The following TMEM278 variants were observed in gnomAD, a reference collection of about 807,000 sequenced individuals.
TMEM278 encodes the protein transmembrane protein 278, also known as transmembrane protein 88B.
At chr1:1,427,228 C>G in the TMEM278 span, among the ~76,000 whole-genome samples, 1 of 144,718 alleles carries the variant, frequency 6.9e-6, no homozygotes, top group Non-Finnish European at 1.5e-5. Flanking sequence ...ACCCCGCTCT[C>G]TCTCCCCTCC....
At chr1:1,426,352 C>A in the TMEM278 span, 1 of 1,436,560 alleles carries the variant, frequency 7.0e-7, no homozygotes, top group Non-Finnish European at 9.1e-7. Context: ...CCGCGGCCGC[C>A]GTCGTCTACC....
At chr1:1,426,079 C>G in the TMEM278 span, 1 of 1,323,038 alleles carries the variant, frequency 7.6e-7, no homozygotes, top group Non-Finnish European at 9.7e-7. Flanking sequence ...TGGAGAGCAC[C>G]ACTCTGCATT....
the TMEM278 span, among the ~76,000 whole-genome samples, chr1:1,427,080 C>G: frequency 3.5e-5 from 5 of 144,850 alleles, no homozygotes; most frequent in Admixed American, 2.7e-4. Flanking sequence ...CCATCTCCCC[C>G]CTCCCTCTTC....
the TMEM278 span, among the ~76,000 whole-genome samples, chr1:1,426,908 C>A: frequency 2.6e-5 from 4 of 152,020 alleles, no homozygotes; most frequent in Admixed American, 2.0e-4. Flanking sequence ...CGGCAGTGGG[C>A]GCTTTTTCTG....
At chr1:1,429,953 C>G in the TMEM278 span, among the ~76,000 whole-genome samples, 1 of 152,226 alleles carries the variant, frequency 6.6e-6, no homozygotes, top group East Asian at 1.9e-4. Context: ...CTCGCCCTCC[C>G]AGGCTCAAGT....
chr1:1,428,338 C>A, the TMEM278 span, among the ~76,000 whole-genome samples: 6 of 151,990 alleles, frequency 3.9e-5, no homozygotes, highest in Non-Finnish European at 5.9e-5. Flanking sequence ...CACCCACGCT[C>A]GGCCAAGCCC....
At chr1:1,427,367 CCCCT>C in the TMEM278 span, among the ~76,000 whole-genome samples, 1 of 129,578 alleles carries the variant, frequency 7.7e-6, no homozygotes, top group African/African-American at 3.0e-5. Context: ...CCTGCCCCTT[CCCCT>C]CCATCACCCT....
At chr1:1,430,059 T>C in the TMEM278 span, among the ~76,000 whole-genome samples, 1 of 152,178 alleles carries the variant, frequency 6.6e-6, no homozygotes, top group Admixed American at 6.6e-5. Context: ...GGTCTCATCA[T>C]GTTGCCCAGG....
the TMEM278 span, among the ~76,000 whole-genome samples, chr1:1,428,471 G>A: frequency 6.6e-6 from 1 of 152,088 alleles, no homozygotes; most frequent in African/African-American, 2.4e-5. Context: ...CACTGACTTT[G>A]GTGTTCCTTG....
At chr1:1,428,723 A>G in the TMEM278 span, among the ~76,000 whole-genome samples, 1 of 152,124 alleles carries the variant, frequency 6.6e-6, no homozygotes, top group Non-Finnish European at 1.5e-5. Flanking sequence ...TATCCAGGCC[A>G]GGCACGGTGG....
the TMEM278 span, among the ~76,000 whole-genome samples, chr1:1,428,271 C>T: frequency 5.3e-5 from 8 of 151,774 alleles, no homozygotes; most frequent in African/African-American, 1.5e-4. Flanking sequence ...CAAGGCCTCC[C>T]GCGCCTGCCC....
chr1:1,427,433 C>T, the TMEM278 span: 1,566 of 153,700 alleles, frequency 0.01, no homozygotes, highest in South Asian at 0.014. Flanking sequence ...CCGCTCCCCT[C>T]TCCACCCCTC....
At chr1:1,428,844 A>G in the TMEM278 span, among the ~76,000 whole-genome samples, 1 of 152,114 alleles carries the variant, frequency 6.6e-6, no homozygotes, top group Non-Finnish European at 1.5e-5. Context: ...ACTAAAAAAT[A>G]CAGAAATTAG....
the TMEM278 span, chr1:1,426,401 G>T: frequency 7.4e-7 from 1 of 1,359,222 alleles, no homozygotes; most frequent in African/African-American, 1.5e-5. Flanking sequence ...CCTGTGCCCC[G>T]TGGGCGGGGG....
At chr1:1,429,583 G>A in the TMEM278 span, among the ~76,000 whole-genome samples, 4 of 152,142 alleles carry the variant, frequency 2.6e-5, no homozygotes, top group Non-Finnish European at 5.9e-5. Flanking sequence ...GTAGCATGGT[G>A]TTTCTCTGAA....
At chr1:1,426,252 C>T in the TMEM278 span, 105 of 1,488,598 alleles carry the variant, frequency 7.1e-5, 2 homozygotes, top group Admixed American at 1.1e-4. Flanking sequence ...CCAGGGTGGT[C>T]GGGGCCCCCG....
At chr1:1,426,333 T>C in the TMEM278 span, 2 of 1,456,708 alleles carry the variant, frequency 1.4e-6, no homozygotes, top group East Asian at 2.7e-5. Flanking sequence ...TTCCTGCTGG[T>C]GCTCCTGCCC....
the TMEM278 span, among the ~76,000 whole-genome samples, chr1:1,428,635 AC>A: frequency 3.8e-4 from 58 of 151,710 alleles, no homozygotes; most frequent in African/African-American, 1.3e-3. Context: ...ATTTTCTTTT[AC>A]CCCCTCATCA....
At chr1:1,428,304 G>A in the TMEM278 span, among the ~76,000 whole-genome samples, 1 of 151,884 alleles carries the variant, frequency 6.6e-6, no homozygotes, top group Non-Finnish European at 1.5e-5. Flanking sequence ...CCATCGTCCA[G>A]GGCTCTGGGG....
Sources: allele counts gnomAD v4.1 joint callset (sites outside exome capture counted in the v4.1 genomes callset), GRCh38; gene constraint gnomAD v4.1.1; transcripts MANE v1.5; gene names NCBI Gene and HGNC (gene_info 2026-07-23, HGNC 2026-07-21).